Variants in NUP98 observed in about 807,000 individuals in gnomAD.
The protein encoded by NUP98 is nuclear pore complex protein Nup98-Nup96.
In NUP98, 26 loss-of-function variants were observed where a neutral mutation model predicts 191.9. That is an observed-to-expected ratio of 0.14 (90% CI 0.10 to 0.19). NUP98 has a LOEUF of 0.19. NUP98 is among the 10% of genes least tolerant of loss of function. The pLI, the probability that NUP98 is intolerant of heterozygous loss-of-function variation, is 1.00. For synonymous variants in NUP98, 808 were observed against 778.4 expected (o/e 1.04, Z -0.63); for missense variants, 1,941 against 2,178.8 (o/e 0.89, Z 2.17).
chr11:3,747,393 ACTT>A (rs2080547835), intron 11 of NUP98, among the ~76,000 whole-genome samples: 1 of 152,202 alleles, frequency 6.6e-6, no homozygotes, highest in South Asian at 2.1e-4. Context: ...TGTAGCCATT[ACTT>A]CAAGGAAAAC....
chr11:3,795,919 A>C (rs2082523495), intron 1 of NUP98, among the ~76,000 whole-genome samples: 1 of 152,014 alleles, frequency 6.6e-6, no homozygotes, highest in Non-Finnish European at 1.5e-5. Flanking sequence ...TAACAATCTT[A>C]CTGATGTGTA....
At chr11:3,769,961 T>C (rs565750912) in intron 7 of NUP98, among the ~76,000 whole-genome samples, 2 of 150,866 alleles carry the variant, frequency 1.3e-5, no homozygotes, top group African/African-American at 4.9e-5. Context: ...GAGAATCGCT[T>C]GAACCCAGGA....
chr11:3,718,041 T>C (rs2079248791), intron 18 of NUP98, among the ~76,000 whole-genome samples: 1 of 152,212 alleles, frequency 6.6e-6, no homozygotes, highest in Non-Finnish European at 1.5e-5. Context: ...TTTTCTTTCC[T>C]TGCAGTGTCT....
intron 23 of NUP98, among the ~76,000 whole-genome samples, chr11:3,701,171 CAA>C (rs1392598847): frequency 6.6e-6 from 1 of 151,006 alleles, no homozygotes; most frequent in Non-Finnish European, 1.5e-5. Context: ...ACTTGGGTAT[CAA>C]AAGTCATGAG....
Position 3,768,696 on chromosome 11 carries a change from T to C in NUP98, c.833A>G (p.Asn278Ser). ...GCTGAAGAGGCTGGTAGTCTGCTGA[T>C]TCTGTTGGCCAAAGAGACCACCTGG... ...TNPGGLFGQQ[N>S]QQTTSLFSKP... The change falls in exon 8 of 33, where the codon AAT becomes AGT. Residue 278 changes from asparagine to serine, a missense_variant. This residue lies in a region of NUP98 where 181 missense variants were observed against 228.0 expected (regional missense o/e 0.79). Transcript: ENST00000324932. 6.2e-7 allele frequency: 1 copy of C among 1,606,934 alleles called. No individual in the cohort carries two copies.
intron 23 of NUP98, among the ~76,000 whole-genome samples, chr11:3,701,682 C>CTTTTTTTT: frequency 6.6e-6 from 1 of 150,794 alleles, no homozygotes; most frequent in Non-Finnish European, 1.5e-5. Flanking sequence ...TTTTCTTTTT[C>CTTTTTTTT]TTTTCTCTCT....
intron 8 of NUP98, among the ~76,000 whole-genome samples, chr11:3,765,901 C>G (rs1346552651): frequency 6.6e-6 from 1 of 151,918 alleles, no homozygotes; most frequent in African/African-American, 2.4e-5. Flanking sequence ...AACCAGTTGT[C>G]CCAGCACCAT....
At chr11:3,795,456 A>G (rs1051021304) in intron 1 of NUP98, among the ~76,000 whole-genome samples, 1 of 152,128 alleles carries the variant, frequency 6.6e-6, no homozygotes, top group African/African-American at 2.4e-5. Flanking sequence ...ATAAATAAAT[A>G]AACAAATAAA....
At chr11:3,694,840 C>T (rs2078450763) in intron 26 of NUP98, among the ~76,000 whole-genome samples, 1 of 151,950 alleles carries the variant, frequency 6.6e-6, no homozygotes, top group African/African-American at 2.4e-5. Flanking sequence ...CCCTTTAGGC[C>T]AGGAGTTCAA....
chr11:3,769,245 T>G (rs1197518486), intron 7 of NUP98, among the ~76,000 whole-genome samples: 2 of 152,032 alleles, frequency 1.3e-5, no homozygotes, highest in Non-Finnish European at 2.9e-5. Flanking sequence ...GGCAACACAA[T>G]GGGACCCCAT....
intron 9 of NUP98, among the ~76,000 whole-genome samples, 190 bp downstream of exon 9, chr11:3,762,712 A>G (rs890625835): frequency 1.3e-5 from 2 of 152,238 alleles, no homozygotes; most frequent in Non-Finnish European, 2.9e-5. Context: ...CTAATTGAAA[A>G]CAAACCTGAA....
intron 20 of NUP98, among the ~76,000 whole-genome samples, chr11:3,709,837 GGGGAGGGT>G (rs71041377): frequency 0.5 from 16,019 of 32,274 alleles, 2,491 homozygotes; most frequent in East Asian, 0.71. Context: ...AGGGGGGAGG[GGGGAGGGT>G]ATAGCTTTAG....
intron 13 of NUP98, among the ~76,000 whole-genome samples, chr11:3,731,981 T>C (rs1264445008): frequency 6.6e-6 from 1 of 152,230 alleles, no homozygotes; most frequent in Non-Finnish European, 1.5e-5. Flanking sequence ...TGTGTATGTG[T>C]GAATACTAAC....
At chr11:3,762,530 ACAT>A (rs1453719767) in intron 9 of NUP98, among the ~76,000 whole-genome samples, 3 of 152,172 alleles carry the variant, frequency 2.0e-5, no homozygotes, top group Non-Finnish European at 4.4e-5. Context: ...TCATTCCCAA[ACAT>A]CATACCAATT....
In NUP98 at chr11:3,771,622, C is replaced by T. The variant is rs1305453846; in HGVS notation, c.784+126G>A. 8 of 768,520 alleles carry T rather than the reference C, an allele frequency of 1.0e-5. No homozygotes were observed. In the East Asian group the frequency reaches 1.1e-4, roughly 10 times the overall value. 47.6% of individuals were successfully genotyped at this position (768,520 alleles called of 1,614,324 possible). On this transcript the variant is annotated intron_variant, in intron 7 of 32. Coordinates refer to ENST00000324932, the MANE Select transcript of NUP98 (RefSeq NM_016320.5). ...CCCCACATACATCCAGGCATTCCTC[C>T]CTATTCCTATGGTATCCCTGAATTA... is the stretch of plus-strand genomic sequence containing the variant.
chr11:3,763,062 TAA>T (rs1325716734), intron 8 of NUP98, 23 bp from the exon 9 acceptor site: 4 of 1,605,382 alleles, frequency 2.5e-6, no homozygotes, highest in Non-Finnish European at 3.4e-6. Context: ...TTATATAGAT[TAA>T]AAGATATCCT....
Position 3,740,526 on chromosome 11 carries a change from A to AG in NUP98, c.1408+3982_1408+3983insC, listed in dbSNP as rs1421617932. On this transcript the variant is annotated intron_variant, in intron 12 of 32. Transcript: ENST00000324932. The stretch of plus-strand genomic sequence containing the variant: ...AGCAAGACTCTGTCTCAAAAAAAAA[A>AG]AAAGAAATGAAGTTTATATAGAAAA... Among the ~76,000 whole-genome samples, 7 of 152,080 alleles carry AG rather than the reference A, an allele frequency of 4.6e-5. No individual in the cohort carries two copies. In the East Asian group the frequency reaches 1.4e-3, roughly 29 times the overall value.
chr11:3,686,253 G>A, intron 28 of NUP98, 59 bp from the exon 29 acceptor site: 1 of 1,463,884 alleles, frequency 6.8e-7, no homozygotes, highest in Non-Finnish European at 9.6e-7. Flanking sequence ...GGACTGATAT[G>A]TCAACTGTTC....
At chr11:3,713,313 G>T (rs1377219318) in intron 19 of NUP98, among the ~76,000 whole-genome samples, 1 of 152,184 alleles carries the variant, frequency 6.6e-6, no homozygotes, top group Admixed American at 6.5e-5. Flanking sequence ...TAGAGGACTT[G>T]AATCACGAGC....
Sources: gnomAD v4.1 joint callset for allele counts (sites outside exome capture counted in the v4.1 genomes callset) on GRCh38, gnomAD v4.1.1 for gene constraint, gnomAD v4.1.1 regional missense constraint, MANE v1.5 for transcripts, NCBI Gene and HGNC (gene_info 2026-07-23, HGNC 2026-07-21) for gene names.